Variants in PARVB observed in about 807,000 individuals in gnomAD.
PARVB encodes beta-parvin.
In PARVB, 46 loss-of-function variants were observed where a neutral mutation model predicts 47.0. That is an observed-to-expected ratio of 0.98 (90% CI 0.77 to 1.25). The LOEUF (loss-of-function observed/expected upper bound fraction) is 1.25, where lower values mean the gene tolerates loss of function less well. Ranked by LOEUF, PARVB falls within the 50% of genes most tolerant of loss-of-function variation. The pLI is 0.00. For missense variants in PARVB, 473 were observed against 471.6 expected (o/e 1.00, Z -0.03); for synonymous variants, 196 against 196.3 (o/e 1.00, Z 0.01).
chr22:44,134,422 A>C (rs555122819), intron 6 of PARVB, among the ~76,000 whole-genome samples: 1 of 152,318 alleles, frequency 6.6e-6, no homozygotes, highest in Admixed American at 6.5e-5. Context: ...TCGGGGCCCC[A>C]GGAGCCCTGT....
chr22:44,066,783 C>CTCCTCCTCCTCCTT lies in PARVB; in HGVS notation c.113-27145_113-27144insTCCTCCTCCTCCTT, dbSNP rs1569087870. ...TGACATCAGTCCCTTAATTATTTCT[C>CTCCTCCTCCTCCTT]CTCCTCCTCCTCCTCCTCCTCCTCC... is the stretch of plus-strand genomic sequence containing the variant. On this transcript the variant is annotated intron_variant, in intron 1 of 12. Transcript: ENST00000338758. Among the ~76,000 whole-genome samples the CTCCTCCTCCTCCTT allele has an allele frequency of 1.6e-4, 5 of 31,800 alleles. 1 individual carries two copies. Among genetic ancestry groups the CTCCTCCTCCTCCTT allele is most frequent in the East Asian group, 3.2e-3 (2 of 618 alleles). 20.9% of individuals were successfully genotyped at this position (31,800 alleles called of 152,430 possible).
chr22:44,000,687 C>T (rs933506434), intron 2 of PARVB, among the ~76,000 whole-genome samples: 49 of 152,212 alleles, frequency 3.2e-4, no homozygotes, highest in African/African-American at 1.1e-3. Context: ...GTAGCCTTTT[C>T]AGATAACTGT....
rs955519543 is a variant in PARVB, at chr22:44,024,330, C to G, written c.-10C>G. Reference sequence around the variant, plus strand: ...CGCGCTGCGCCCGCCGCCGGCCCCACGCGCGGCCCATGTCCTCCGCGCCGC... The same window carrying G: ...CGCGCTGCGCCCGCCGCCGGCCCCAGGCGCGGCCCATGTCCTCCGCGCCGC... On this transcript the variant is annotated 5_prime_UTR_variant, in exon 1 of 13. Coordinates refer to ENST00000338758, the MANE Select transcript of PARVB (RefSeq NM_013327.5). 9.6e-7 allele frequency: 1 copy of G among 1,045,960 alleles called. No homozygotes were observed. Among genetic ancestry groups the G allele is most frequent in the Non-Finnish European group, 1.2e-6 (1 of 868,598 alleles). 64.8% of individuals were successfully genotyped at this position (1,045,960 alleles called of 1,614,324 possible). A position where few individuals can be genotyped will look rare whatever the true frequency, so the allele number is the denominator to read the frequency against.
upstream of PARVB, among the ~76,000 whole-genome samples, chr22:44,021,314 C>G (rs909510548): frequency 2.0e-5 from 3 of 152,164 alleles, no homozygotes; most frequent in South Asian, 2.1e-4. Context: ...GAGAATTTCT[C>G]CACGGCCAGC....
chr22:44,089,491 T>A lies in PARVB; in HGVS notation c.113-4437T>A, dbSNP rs2052111892. On this transcript the variant is annotated intron_variant, in intron 1 of 12. Transcript: ENST00000338758. The surrounding 1 kb of genome is among the most constrained non-coding windows in gnomAD (Gnocchi z 4.0). Reference sequence around the variant, plus strand: ...GGGCCAGCAGATCTTTCTCTGTGACTGAAGACAGCCGGCACTTCACATCTT... The same window carrying A: ...GGGCCAGCAGATCTTTCTCTGTGACAGAAGACAGCCGGCACTTCACATCTT... The A allele has an allele frequency of 6.6e-6, 1 of 152,212 alleles. No homozygotes were observed. Among genetic ancestry groups the A allele is most frequent in the Admixed American group, 6.5e-5 (1 of 15,282 alleles). The allele number at this position is 152,212 out of a possible 1,614,324, so 9.4% of individuals were successfully genotyped here.
chr22:44,018,700 C>A (rs1046197298), intron 2 of PARVB, among the ~76,000 whole-genome samples: 13 of 152,130 alleles, frequency 8.5e-5, no homozygotes, highest in Admixed American at 7.2e-4. Context: ...TGGGTCAGTT[C>A]TCTCAATGGC....
chr22:44,075,773 C>T lies in PARVB; in HGVS notation c.113-18155C>T, dbSNP rs538007840. ...CCACGCCTTTTCACAGCTGACGGCGCGTTTCTTCTTGGTTCCAAGTGGCTC... is the reference window on the plus strand; with the variant it reads ...CCACGCCTTTTCACAGCTGACGGCGTGTTTCTTCTTGGTTCCAAGTGGCTC... On this transcript the variant is annotated intron_variant, in intron 1 of 12. Coordinates refer to ENST00000338758, the MANE Select transcript of PARVB (RefSeq NM_013327.5). Among the ~76,000 whole-genome samples, 99 of 152,362 alleles carry T rather than the reference C, an allele frequency of 6.5e-4. 1 individual carries two copies. The South Asian group carries it at 9.1e-3, about 14-fold the overall frequency.
upstream of PARVB, among the ~76,000 whole-genome samples, chr22:44,019,803 C>G (rs2050626817): frequency 6.6e-6 from 1 of 152,222 alleles, no homozygotes; most frequent in Admixed American, 6.5e-5. Context: ...CACCCCCCAT[C>G]AGGCCCGACT....
intron 1 of PARVB, among the ~76,000 whole-genome samples, chr22:44,030,140 G>A (rs1447059044): frequency 1.3e-5 from 2 of 152,356 alleles, no homozygotes; most frequent in South Asian, 2.1e-4. Flanking sequence ...GAAGGGAGGG[G>A]AGCTGTGGCA....
intron 2 of PARVB, among the ~76,000 whole-genome samples, chr22:44,098,645 C>T (rs2052367091): frequency 6.6e-6 from 1 of 152,062 alleles, no homozygotes; most frequent in Non-Finnish European, 1.5e-5. Context: ...CATCAGGACT[C>T]CCGAGAACTC....
chr22:44,136,554 C>T (rs1173801721), intron 7 of PARVB, 36 bp downstream of exon 7: 1 of 1,585,600 alleles, frequency 6.3e-7, no homozygotes, highest in East Asian at 2.2e-5. Flanking sequence ...CCAGGCCCTG[C>T]TGCCCCGAGT....
chr22:44,117,744 G>A (rs1448914853), intron 3 of PARVB, among the ~76,000 whole-genome samples: 1 of 152,172 alleles, frequency 6.6e-6, no homozygotes, highest in South Asian at 2.1e-4. Context: ...ACAGGGGACG[G>A]TATATTCTGG....
chr22:44,099,357 C>T (rs889562797), intron 2 of PARVB, among the ~76,000 whole-genome samples: 5 of 152,262 alleles, frequency 3.3e-5, no homozygotes, highest in African/African-American at 4.8e-5. Flanking sequence ...GTGCCCCCTC[C>T]GCAGTCCCGC....
chr22:44,084,542 G>A (rs1213493619), intron 1 of PARVB, among the ~76,000 whole-genome samples: 2 of 152,240 alleles, frequency 1.3e-5, no homozygotes, highest in East Asian at 3.9e-4. Flanking sequence ...CGAGATGTGA[G>A]CCTGCCAAGG....
At chr22:44,011,901 G>A (rs2050527370) in intron 2 of PARVB, among the ~76,000 whole-genome samples, 1 of 152,144 alleles carries the variant, frequency 6.6e-6, no homozygotes, top group Non-Finnish European at 1.5e-5. Flanking sequence ...TTGGGTGGGA[G>A]GAGAAAATAA....
chr22:44,001,447 AT>A (rs1348105060), intron 2 of PARVB, among the ~76,000 whole-genome samples: 1 of 152,248 alleles, frequency 6.6e-6, no homozygotes, highest in Non-Finnish European at 1.5e-5. Flanking sequence ...TCCCTGGAAC[AT>A]GCTCAGAACA....
Position 44,094,037 on chromosome 22 carries a change from C to T in PARVB, c.202+20C>T. ...AGCTTGGTACGGGGGTTCCTCCGCT[C>T]CCTGCCCTGAGACAGTTGAGCTTCC... is the stretch of plus-strand genomic sequence containing the variant. On this transcript the variant is annotated intron_variant, in intron 2 of 12. Transcript: ENST00000338758. 1 of 1,472,106 alleles carries T rather than the reference C, an allele frequency of 6.8e-7. No homozygotes were observed. Among genetic ancestry groups the T allele is most frequent in the Non-Finnish European group, 9.5e-7 (1 of 1,056,276 alleles). 91.2% of individuals were successfully genotyped at this position (1,472,106 alleles called of 1,614,324 possible). A position where few individuals can be genotyped will look rare whatever the true frequency, so the allele number is the denominator to read the frequency against.
intron 3 of PARVB, among the ~76,000 whole-genome samples, chr22:44,100,988 A>C (rs770702092): frequency 7.2e-5 from 11 of 152,192 alleles, no homozygotes; most frequent in Non-Finnish European, 1.6e-4. Context: ...TTTTTCTATT[A>C]AAAGTGCTTT....
intron 1 of PARVB, among the ~76,000 whole-genome samples, chr22:44,039,321 CG>C: frequency 6.6e-6 from 1 of 152,088 alleles, no homozygotes; most frequent in East Asian, 1.9e-4. Flanking sequence ...GAGGCTGAGG[CG>C]GACAGATCAC....
Sources: allele counts gnomAD v4.1 joint callset (sites outside exome capture counted in the v4.1 genomes callset), GRCh38; gene constraint gnomAD v4.1.1; non-coding constraint Gnocchi (gnomAD v3.1); transcripts MANE v1.5; gene names NCBI Gene and HGNC (gene_info 2026-07-23, HGNC 2026-07-21).